ADAMTS9: variants seen among roughly 807,000 people sequenced by gnomAD.
ADAMTS9 encodes the protein ADAM metallopeptidase with thrombospondin type 1 motif 9.
In ADAMTS9, 107 loss-of-function variants were observed where a neutral mutation model predicts 257.1. The ratio of observed to expected loss-of-function variants is 0.42; its 90% CI spans 0.36 to 0.49. The LOEUF is 0.49. ADAMTS9 is among the 20% of genes least tolerant of loss of function. The pLI is 0.03. For missense variants in ADAMTS9, 2,353 were observed against 2,469.1 expected (o/e 0.95, Z 1.00); for synonymous variants, 982 against 880.9 (o/e 1.11, Z -2.03).
intron 16 of ADAMTS9, among the ~76,000 whole-genome samples, chr3:64,628,560 G>T (rs1700285026): frequency 6.6e-6 from 1 of 151,898 alleles, no homozygotes; most frequent in African/African-American, 2.4e-5. Flanking sequence ...TTCTGCAGCT[G>T]TGCAAGGAGA....
At chr3:64,663,091 A>G (rs192262823) in intron 3 of ADAMTS9, among the ~76,000 whole-genome samples, 353 of 152,204 alleles carry the variant, frequency 2.3e-3, no homozygotes, top group Non-Finnish European at 3.3e-3. Flanking sequence ...AGCATTTTGG[A>G]CAGAGATGGA....
chr3:64,544,072 T>G (rs929971103), intron 32 of ADAMTS9, among the ~76,000 whole-genome samples: 2 of 152,136 alleles, frequency 1.3e-5, no homozygotes, highest in African/African-American at 4.8e-5. Flanking sequence ...GTGAAGGACC[T>G]CTTCAAGGAG....
chr3:64,536,327 C>T (rs553724880), intron 37 of ADAMTS9, among the ~76,000 whole-genome samples: 33 of 152,294 alleles, frequency 2.2e-4, no homozygotes, highest in Non-Finnish European at 4.1e-4. Context: ...TGCTCTGGGA[C>T]ATCTTTGCCC....
At position 64,622,437 on chromosome 3, in the gene ADAMTS9, G is replaced by C; in HGVS notation, c.2539C>G (p.Gln847Glu). ...ERINSTDRIE[Q>E]ELLLQVLSVG... ...GTTTTTACCTGAAGCAAAAGTTCTT[G>C]CTCAATGCGATCTGTTGAGTTAATT... The change falls in exon 17 of 40, where the codon CAA (glutamine) becomes GAA (glutamate). Residue 847 changes from glutamine to glutamate, a missense_variant. By Grantham distance (29) the Gln-to-Glu change is conservative (BLOSUM62 2). This residue lies in a region of ADAMTS9 where 1,402 missense variants were observed against 1,441.4 expected (regional missense o/e 0.97). Coordinates refer to ENST00000498707, the MANE Select transcript of ADAMTS9 (RefSeq NM_182920.2). 1 of 1,613,978 alleles carries C rather than the reference G, an allele frequency of 6.2e-7. No individual in the cohort carries two copies. Among genetic ancestry groups the C allele is most frequent in the Non-Finnish European group, 8.5e-7 (1 of 1,179,972 alleles).
At chr3:64,607,741 T>G (rs1338216400) in intron 22 of ADAMTS9, among the ~76,000 whole-genome samples, 1 of 152,160 alleles carries the variant, frequency 6.6e-6, no homozygotes, top group Non-Finnish European at 1.5e-5. Flanking sequence ...TTTTTGGAAC[T>G]GTGGAATTTA....
Position 64,631,436 on chromosome 3 carries a change from G to C in ADAMTS9, c.2389+19C>G. The C allele has an allele frequency of 6.2e-7, 1 of 1,601,050 alleles. No individual in the cohort carries two copies. Among genetic ancestry groups the C allele is most frequent in the Non-Finnish European group, 8.6e-7 (1 of 1,168,142 alleles). Reference sequence around the variant, plus strand: ...TCCATAGAACCAGAACTCGCAAGTAGTGAGGCATCCCATCTCACCTAAGTA... The same window carrying C: ...TCCATAGAACCAGAACTCGCAAGTACTGAGGCATCCCATCTCACCTAAGTA... On this transcript the variant is annotated intron_variant, in intron 16 of 39. Coordinates refer to ENST00000498707, the MANE Select transcript of ADAMTS9 (RefSeq NM_182920.2).
Position 64,622,407 on chromosome 3 carries a change from G to A in ADAMTS9, c.2556+13C>T. ...AGAAGAAAAGGGTGGTGGGCTCATG[G>A]TCAAGTTTTTACCTGAAGCAAAAGT... is the stretch of plus-strand genomic sequence containing the variant. On this transcript the variant is annotated intron_variant, in intron 17 of 39. Transcript: ENST00000498707. The A allele has an allele frequency of 1.2e-6, 2 of 1,613,696 alleles. No homozygotes were observed. Among genetic ancestry groups the A allele is most frequent in the Non-Finnish European group, 1.7e-6 (2 of 1,179,802 alleles).
In ADAMTS9 at chr3:64,656,678, C is replaced by T. The variant is rs148135585; in HGVS notation, c.970-803G>A. Among the ~76,000 whole-genome samples the T allele has an allele frequency of 3.6e-3, 548 of 152,062 alleles. 3 individuals carry two copies. Among genetic ancestry groups the T allele is most frequent in the African/African-American group, 0.013 (529 of 41,474 alleles). The stretch of plus-strand genomic sequence containing the variant: ...AGGTGAAAATGAGGCTGTGCATATG[C>T]GCAGGGCCTGATTAGATGTTCCCTT... On this transcript the variant is annotated intron_variant, in intron 4 of 39. Coordinates refer to ENST00000498707, the MANE Select transcript of ADAMTS9 (RefSeq NM_182920.2).
At chr3:64,563,172 T>C (rs559202941) in intron 29 of ADAMTS9, 1 of 152,286 alleles carries the variant, frequency 6.6e-6, no homozygotes, top group Admixed American at 6.5e-5. Flanking sequence ...ACCCTATCTA[T>C]AGAGAATGGC....
At chr3:64,628,213 T>C (rs1700274623) in intron 16 of ADAMTS9, among the ~76,000 whole-genome samples, 1 of 152,230 alleles carries the variant, frequency 6.6e-6, no homozygotes, top group South Asian at 2.1e-4. Context: ...GTTTTCATTC[T>C]TTACAAGGAG....
At position 64,687,734 on chromosome 3, in the gene ADAMTS9, C is replaced by T; in HGVS notation, c.-77G>A. 8.1e-7 allele frequency: 1 copy of T among 1,227,214 alleles called. No homozygotes were observed. Among genetic ancestry groups the T allele is most frequent in the Non-Finnish European group, 1.1e-6 (1 of 909,568 alleles). 76.0% of individuals were successfully genotyped at this position (1,227,214 alleles called of 1,614,324 possible). On this transcript the variant is annotated 5_prime_UTR_variant, in exon 1 of 40. Coordinates refer to ENST00000498707, the MANE Select transcript of ADAMTS9 (RefSeq NM_182920.2). The surrounding 1 kb of genome is among the most constrained non-coding windows in gnomAD (Gnocchi z 4.4). The stretch of plus-strand genomic sequence containing the variant: ...CCTTGGCTGCGGCGGCGACGCGAGG[C>T]AGCGGCCGTGGAGAGCGCGCGGAGC...
At position 64,687,689 on chromosome 3, in the gene ADAMTS9, A is replaced by G; in HGVS notation, c.-32T>C. On this transcript the variant is annotated 5_prime_UTR_variant, in exon 1 of 40. Coordinates refer to ENST00000498707, the MANE Select transcript of ADAMTS9 (RefSeq NM_182920.2). This position sits in a 1 kb window ranked among gnomAD's most constrained non-coding sequence, Gnocchi z 4.4. The stretch of plus-strand genomic sequence containing the variant: ...TCCCACCCCTCCCTCCGCTGCCCCC[A>G]CCCCCCTCCCTCCTGCCCTCCTTGG... 3.2e-6 allele frequency: 4 copies of G among 1,250,752 alleles called. No individual in the cohort carries two copies. Among genetic ancestry groups the G allele is most frequent in the Non-Finnish European group, 4.2e-6 (4 of 960,134 alleles). 77.5% of individuals were successfully genotyped at this position (1,250,752 alleles called of 1,614,324 possible).
At chr3:64,631,663 T>C (rs1700370292) in intron 15 of ADAMTS9, 113 bp from the exon 16 acceptor site, 1 of 1,187,830 alleles carries the variant, frequency 8.4e-7, no homozygotes, top group Non-Finnish European at 1.2e-6. Flanking sequence ...ATAATTCTAT[T>C]AGGTGCCTTC....
At chr3:64,606,778 C>G (rs1001723043) in intron 23 of ADAMTS9, among the ~76,000 whole-genome samples, 182 bp downstream of exon 23, 1 of 152,134 alleles carries the variant, frequency 6.6e-6, no homozygotes, top group East Asian at 1.9e-4. Flanking sequence ...CAGAGAAGAA[C>G]AAAACTGACA....
intron 38 of ADAMTS9, among the ~76,000 whole-genome samples, chr3:64,526,658 T>C (rs2106879476): frequency 6.6e-6 from 1 of 152,342 alleles, no homozygotes; most frequent in African/African-American, 2.4e-5. Flanking sequence ...CAAACTCTCC[T>C]GACCCAGCAG....
chr3:64,617,030 G>T (rs1699961036), intron 19 of ADAMTS9, among the ~76,000 whole-genome samples: 2 of 152,172 alleles, frequency 1.3e-5, no homozygotes, highest in South Asian at 2.1e-4. Context: ...TGACCATCTG[G>T]CAAGTAAAGT....
intron 27 of ADAMTS9, among the ~76,000 whole-genome samples, chr3:64,594,996 C>T (rs2084338047): frequency 6.6e-6 from 1 of 152,080 alleles, no homozygotes; most frequent in Admixed American, 6.6e-5. Flanking sequence ...ACCGTGTTAG[C>T]CAGGATGGTC....
intron 30 of ADAMTS9, among the ~76,000 whole-genome samples, chr3:64,551,933 C>T (rs542088050): frequency 1.3e-5 from 2 of 152,312 alleles, no homozygotes; most frequent in Admixed American, 1.3e-4. Context: ...GAACTGCTCT[C>T]ATGCCACATC....
intron 28 of ADAMTS9, among the ~76,000 whole-genome samples, chr3:64,582,175 G>A (rs2084021788): frequency 6.6e-6 from 1 of 152,144 alleles, no homozygotes; most frequent in Non-Finnish European, 1.5e-5. Flanking sequence ...TCTGCTAGAG[G>A]AGCAAAGATT....
Sources: allele counts gnomAD v4.1 joint callset (sites outside exome capture counted in the v4.1 genomes callset), GRCh38; gene constraint gnomAD v4.1.1; regional missense constraint gnomAD v4.1.1; non-coding constraint Gnocchi (gnomAD v3.1); transcripts MANE v1.5; gene names NCBI Gene and HGNC (gene_info 2026-07-23, HGNC 2026-07-21).